Variants in DHX38 observed in about 807,000 individuals in gnomAD.
DHX38 encodes the protein pre-mRNA-splicing factor ATP-dependent RNA helicase PRP16.
DHX38 carries 100 observed loss-of-function variants against 153.1 expected under a neutral mutation model. The ratio of observed to expected loss-of-function variants is 0.65; its 90% CI spans 0.56 to 0.77. The LOEUF (loss-of-function observed/expected upper bound fraction) is 0.77, where lower values mean the gene tolerates loss of function less well. Among genes scored for constraint, DHX38 ranks in the 30% least tolerant of loss-of-function variants. The pLI, the probability that DHX38 is intolerant of heterozygous loss-of-function variation, is 0.00. For missense variants in DHX38, 1,440 were observed against 1,654.0 expected (o/e 0.87, Z 2.24); for synonymous variants, 650 against 631.7 (o/e 1.03, Z -0.43).
chr16:72,099,109 G>A, intron 6 of DHX38, 64 bp downstream of exon 6: 1 of 1,603,012 alleles, frequency 6.2e-7, no homozygotes, highest in Non-Finnish European at 8.5e-7. Context: ...ATGAGCAGGG[G>A]CTGCCCTTCT....
At chr16:72,110,849 G>A (rs1430647740) in intron 25 of DHX38, 107 bp from the exon 26 acceptor site, 11 of 1,438,784 alleles carry the variant, frequency 7.6e-6, no homozygotes, top group South Asian at 7.1e-5. Flanking sequence ...TGGAGCACTG[G>A]CCTGGTGGAT....
At position 72,103,928 on chromosome 16, in the gene DHX38, C is replaced by T; in HGVS notation, c.1825-18C>T. ...GAGCCGGTGGCCAGGGCATCTGAGC[C>T]ATCTCTCTGACCTCCAGGTGGGCTA... On this transcript the variant is annotated intron_variant, in intron 13 of 26. Transcript: ENST00000268482. 6.2e-7 allele frequency: 1 copy of T among 1,612,106 alleles called. No homozygotes were observed. Among genetic ancestry groups the T allele is most frequent in the Non-Finnish European group, 8.5e-7 (1 of 1,178,288 alleles).
intron 8 of DHX38, among the ~76,000 whole-genome samples, chr16:72,100,175 G>A (rs1355152387): frequency 6.6e-6 from 1 of 152,176 alleles, no homozygotes; most frequent in Non-Finnish European, 1.5e-5. Context: ...TGTCTCTGAT[G>A]TGGGCTAGGG....
chr16:72,097,072 C>T (rs1388510105), intron 3 of DHX38, 63 bp downstream of exon 3: 1 of 1,526,710 alleles, frequency 6.6e-7, no homozygotes, highest in African/African-American at 1.4e-5. Flanking sequence ...CAGCCTTTTT[C>T]TTGTTGCAGG....
intron 19 of DHX38, among the ~76,000 whole-genome samples, chr16:72,106,774 TA>T (rs1306002113): frequency 6.6e-6 from 1 of 152,082 alleles, no homozygotes; most frequent in Non-Finnish European, 1.5e-5. Context: ...TTGTTCCAAT[TA>T]AAAAAATTAA....
chr16:72,111,738 G>GT (rs2042259663), intron 26 of DHX38, among the ~76,000 whole-genome samples: 1 of 152,206 alleles, frequency 6.6e-6, no homozygotes. Context: ...AGTATGACAG[G>GT]TTATTGCTAG....
Position 72,096,428 on chromosome 16 carries a change from GA to G in DHX38, c.272del (p.Asp91ValfsTer25), listed in dbSNP as rs1336881193. 6.2e-7 allele frequency: 1 copy of G among 1,613,972 alleles called. No homozygotes were observed. Among genetic ancestry groups the G allele is most frequent in the East Asian group, 2.2e-5 (1 of 44,882 alleles). On this transcript the variant is annotated frameshift_variant, in exon 2 of 27. Coordinates refer to ENST00000268482, the MANE Select transcript of DHX38 (RefSeq NM_014003.4). LOFTEE classifies it high-confidence loss of function. ...DWEESKDDQK[D>X]AEEEGGDQAG... ...GGAAGAGAGCAAGGATGACCAGAAG[GA>G]TGCTGAGGAAGAGGGCGGTGACCAG... is the stretch of plus-strand genomic sequence containing the variant.
At position 72,107,331 on chromosome 16, in the gene DHX38, C is replaced by T. The variant is rs944545757; in HGVS notation, c.2601-9C>T. ...TTGTGGTGAGAAGATGGGGTCTTCTCCCCGGCAGGCTCTACACCCAGAGCG... is the reference window on the plus strand; with the variant it reads ...TTGTGGTGAGAAGATGGGGTCTTCTTCCCGGCAGGCTCTACACCCAGAGCG... On this transcript the variant is annotated splice_polypyrimidine_tract_variant and intron_variant, in intron 19 of 26. Coordinates refer to ENST00000268482, the MANE Select transcript of DHX38 (RefSeq NM_014003.4). The surrounding 1 kb of genome is among the most constrained non-coding windows in gnomAD (Gnocchi z 5.3). 2 of 1,601,502 alleles carry T rather than the reference C, an allele frequency of 1.2e-6. No homozygotes were observed. Among genetic ancestry groups the T allele is most frequent in the Admixed American group, 1.7e-5 (1 of 59,772 alleles).
chr16:72,095,008 A>T (rs1056418587), intron 1 of DHX38, among the ~76,000 whole-genome samples: 2 of 152,070 alleles, frequency 1.3e-5, no homozygotes, highest in Non-Finnish European at 2.9e-5. Context: ...TCAAAATGTA[A>T]CTCTTGTTTC....
rs1335383829 is a variant in DHX38, at chr16:72,107,406, T to C, written c.2667T>C (p.Thr889=). Residue 889 remains threonine, a synonymous_variant, in exon 20 of 27, where the codon ACT becomes ACC. Coordinates refer to ENST00000268482, the MANE Select transcript of DHX38 (RefSeq NM_014003.4). This position sits in a 1 kb window ranked among gnomAD's most constrained non-coding sequence, Gnocchi z 5.3. Reference sequence around the variant, plus strand: ...CCACAGTGCCCGAGATCCAGAGGACTAACCTGGCCAACGTGGTGCTGCTGC... The same window carrying C: ...CCACAGTGCCCGAGATCCAGAGGACCAACCTGGCCAACGTGGTGCTGCTGC... ...LTTTVPEIQR[T]NLANVVLLLK... The C allele has an allele frequency of 3.1e-6, 5 of 1,613,946 alleles. No individual in the cohort carries two copies. The highest frequency in any genetic ancestry group is 4.2e-6 in the Non-Finnish European group (5 of 1,180,022).
chr16:72,105,689 G>A, intron 18 of DHX38, 65 bp downstream of exon 18: 1 of 1,533,426 alleles, frequency 6.5e-7, no homozygotes. Flanking sequence ...TGCGGGGTGG[G>A]AAGCCAGGGC....
chr16:72,099,250 G>A lies in DHX38; in HGVS notation c.930G>A (p.Glu310=), dbSNP rs1422774178. Residue 310 remains glutamate, a synonymous_variant, in exon 7 of 27, where the codon GAG becomes GAA. Transcript: ENST00000268482. The part of the protein sequence containing the change: ...GEEGISFDTE[E]ERQQWEDDQR... ...AAGGAATTTCATTTGACACGGAGGA[G>A]GAGCGGCAGCAGTGGGAAGATGACC... 1 of 1,612,674 alleles carries A rather than the reference G, an allele frequency of 6.2e-7. No homozygotes were observed. Among genetic ancestry groups the A allele is most frequent in the African/African-American group, 1.3e-5 (1 of 74,886 alleles).
chr16:72,109,548 C>T (rs2144177504), intron 25 of DHX38, 38 bp downstream of exon 25: 1 of 1,581,940 alleles, frequency 6.3e-7, no homozygotes, highest in Non-Finnish European at 8.6e-7. Context: ...TGCTGTTTGC[C>T]TGTGGGGTCG....
At position 72,096,754 on chromosome 16, in the gene DHX38, G is replaced by A. The variant is rs2042025106; in HGVS notation, c.324-68G>A. The A allele has an allele frequency of 4.6e-6, 7 of 1,536,418 alleles. No homozygotes were observed. In the South Asian group the frequency reaches 6.4e-5, roughly 14 times the overall value. On this transcript the variant is annotated intron_variant, in intron 2 of 26. Coordinates refer to ENST00000268482, the MANE Select transcript of DHX38 (RefSeq NM_014003.4). ...AAAGGACAGATCACTTGTTTGGACA[G>A]CCAAAGGTTTTAGGGCAGAGTTTTT...
Position 72,096,858 on chromosome 16 carries a change from T to G in DHX38, c.360T>G (p.His120Gln). The G allele has an allele frequency of 6.2e-7, 1 of 1,613,820 alleles. No homozygotes were observed. The highest frequency in any genetic ancestry group is 8.5e-7 in the Non-Finnish European group (1 of 1,179,872). Residue 120 changes from histidine to glutamine, a missense_variant, in exon 3 of 27, where the codon CAT (histidine) becomes CAG (glutamine). This residue lies in a region of DHX38 where 483 missense variants were observed against 465.1 expected (regional missense o/e 1.04). Coordinates refer to ENST00000268482, the MANE Select transcript of DHX38 (RefSeq NM_014003.4). Reference protein sequence around the residue: ...YRSARVETPSHPGGVSEEFWE... With the variant: ...YRSARVETPSQPGGVSEEFWE... Reference sequence around the variant, plus strand: ...CTGCTCGGGTAGAGACTCCATCCCATCCGGGTGGTGTGAGCGAAGAGTTTT... The same window carrying G: ...CTGCTCGGGTAGAGACTCCATCCCAGCCGGGTGGTGTGAGCGAAGAGTTTT...
At chr16:72,097,368 C>A in intron 3 of DHX38, 1 of 415,268 alleles carries the variant, frequency 2.4e-6, no homozygotes, top group Non-Finnish European at 4.4e-6. Context: ...TGTCCTTGCT[C>A]AGTATTAAGT....
In DHX38 at chr16:72,102,973, C is replaced by T. The variant is rs562643788; in HGVS notation, c.1500-101C>T. On this transcript the variant is annotated intron_variant, in intron 11 of 26. Coordinates refer to ENST00000268482, the MANE Select transcript of DHX38 (RefSeq NM_014003.4). ...CTGCTTTGGTGTCTCAGACTCTTGCCGAAGTCCTCATTCCTGAGCGTAGGA... is the reference window on the plus strand; with the variant it reads ...CTGCTTTGGTGTCTCAGACTCTTGCTGAAGTCCTCATTCCTGAGCGTAGGA... The T allele has an allele frequency of 4.7e-4, 702 of 1,506,844 alleles. 2 individuals carry two copies. Among genetic ancestry groups the T allele is most frequent in the Non-Finnish European group, 5.9e-4 (658 of 1,114,770 alleles). The allele number at this position is 1,506,844 out of a possible 1,614,324, so 93.3% of individuals were successfully genotyped here.
At position 72,109,436 on chromosome 16, in the gene DHX38, G is replaced by A. The variant is rs151006640; in HGVS notation, c.3403G>A (p.Ala1135Thr). The A allele has an allele frequency of 1.1e-5, 17 of 1,613,130 alleles. No individual in the cohort carries two copies. Among genetic ancestry groups the A allele is most frequent in the South Asian group, 5.5e-5 (5 of 90,972 alleles). Residue 1135 changes from alanine to threonine, a missense_variant, in exon 25 of 27, where the codon GCT becomes ACT. Coordinates refer to ENST00000268482, the MANE Select transcript of DHX38 (RefSeq NM_014003.4). ...TTKEYMQCVT[A>T]VDGEWLAELG... ...GCAGGAGTATATGCAGTGTGTGACC[G>A]CTGTGGACGGGGAGTGGCTGGCGGA...
intron 19 of DHX38, among the ~76,000 whole-genome samples, chr16:72,106,472 G>C (rs547206509): frequency 1.5e-5 from 2 of 136,502 alleles, no homozygotes; most frequent in African/African-American, 5.3e-5. Flanking sequence ...ATTAGAGACA[G>C]GGTCTTGCTC....
Sources: gnomAD v4.1 joint callset for allele counts (sites outside exome capture counted in the v4.1 genomes callset) on GRCh38, gnomAD v4.1.1 for gene constraint, gnomAD v4.1.1 regional missense constraint, Gnocchi (gnomAD v3.1) non-coding constraint, MANE v1.5 for transcripts, NCBI Gene and HGNC (gene_info 2026-07-23, HGNC 2026-07-21) for gene names.